The following LRCH3 variants were observed in gnomAD, a reference collection of about 807,000 sequenced individuals.
LRCH3 encodes the protein leucine rich repeats and calponin homology domain containing 3.
In LRCH3, 68 loss-of-function variants were observed where a neutral mutation model predicts 104.5. The observed-to-expected ratio is 0.65, with a 90% CI of 0.54 to 0.80. The LOEUF (loss-of-function observed/expected upper bound fraction) is 0.80. Among genes scored for constraint, LRCH3 ranks in the 30% least tolerant of loss-of-function variants. The pLI is 0.00. For missense variants in LRCH3, 951 were observed against 953.9 expected (o/e 1.00, Z 0.04); for synonymous variants, 344 against 361.3 (o/e 0.95, Z 0.54).
intron 20 of LRCH3, chr3:197,880,776 T>G: frequency 6.5e-7 from 1 of 1,531,832 alleles, no homozygotes; most frequent in Non-Finnish European, 8.7e-7. Flanking sequence ...GGTTTGTTTC[T>G]CATCCAGAAT....
intron 17 of LRCH3, among the ~76,000 whole-genome samples, chr3:197,868,273 A>C (rs1430732476): frequency 6.6e-6 from 1 of 152,240 alleles, no homozygotes; most frequent in South Asian, 2.1e-4. Context: ...TAATTTTGAA[A>C]TACAGTATAG....
At chr3:197,839,205 A>G (rs901436290) in intron 9 of LRCH3, 116 bp from the exon 10 acceptor site, 1 of 666,838 alleles carries the variant, frequency 1.5e-6, no homozygotes, top group South Asian at 2.1e-5. Flanking sequence ...TGAAGAGTCT[A>G]TTAAAATGTT....
chr3:197,873,804 C>T (rs1039189138), intron 19 of LRCH3, among the ~76,000 whole-genome samples: 3 of 151,940 alleles, frequency 2.0e-5, no homozygotes, highest in African/African-American at 4.8e-5. Flanking sequence ...GGGCAGATCA[C>T]GAGGTCAGGA....
chr3:197,799,074 A>C (rs962789895), intron 1 of LRCH3, among the ~76,000 whole-genome samples: 5 of 152,222 alleles, frequency 3.3e-5, no homozygotes, highest in Non-Finnish European at 7.3e-5. Context: ...AGGGGAGGTG[A>C]GAAGATGAAC....
chr3:197,871,898 C>T (rs138474181), intron 19 of LRCH3, among the ~76,000 whole-genome samples: 2 of 152,108 alleles, frequency 1.3e-5, no homozygotes, highest in African/African-American at 4.8e-5. Flanking sequence ...CAGAATGGAT[C>T]GTGCACAGGG....
chr3:197,813,536 T>TGAGA (rs1733457940), intron 1 of LRCH3, among the ~76,000 whole-genome samples: 1 of 129,870 alleles, frequency 7.7e-6, no homozygotes, highest in East Asian at 2.2e-4. Context: ...TTTTTTTTTT[T>TGAGA]TTTTTTTTTT....
chr3:197,805,830 C>A (rs1319554949), intron 1 of LRCH3, among the ~76,000 whole-genome samples: 3 of 152,072 alleles, frequency 2.0e-5, no homozygotes, highest in Admixed American at 2.0e-4. Flanking sequence ...ACTTACAGAA[C>A]CCAAATGAAA....
chr3:197,881,444 G>A, intron 20 of LRCH3: 1 of 985,472 alleles, frequency 1.0e-6, no homozygotes, highest in Non-Finnish European at 1.2e-6. Context: ...GGCCTCTCAG[G>A]GTGGGCACCT....
At position 197,869,521 on chromosome 3, in the gene LRCH3, C is replaced by G. The variant is rs149866537; in HGVS notation, c.1874-639C>G. On this transcript the variant is annotated intron_variant, in intron 17 of 20. Transcript: ENST00000425562. ...ACTGTACCTGCAGGAGGTAGAAAGC[C>G]GTGCACTGTACCTGCAGGAGGTAGA... 5.9e-3 allele frequency among the ~76,000 whole-genome samples: 536 copies of G among 90,756 alleles called. 6 individuals carry two copies. Among genetic ancestry groups the G allele is most frequent in the African/African-American group, 0.021 (452 of 21,538 alleles). 59.5% of individuals were successfully genotyped at this position (90,756 alleles called of 152,430 possible). A position where few individuals can be genotyped will look rare whatever the true frequency, so the allele number is the denominator to read the frequency against.
At chr3:197,875,843 A>G in intron 20 of LRCH3, 68 bp downstream of exon 20, 1 of 1,006,446 alleles carries the variant, frequency 9.9e-7, no homozygotes, top group Non-Finnish European at 1.5e-6. Flanking sequence ...AGAAATGTAA[A>G]TCTCTAAAAT....
At chr3:197,873,818 C>T (rs900280627) in intron 19 of LRCH3, among the ~76,000 whole-genome samples, 2 of 151,942 alleles carry the variant, frequency 1.3e-5, no homozygotes, top group South Asian at 2.1e-4. Context: ...GTCAGGAGTT[C>T]GAGACCATCC....
rs567727177 is a variant in LRCH3, at chr3:197,799,738, C to T, written c.262+8198C>T. ...AAAAAATTAGCTGGCTGTGGTGGCA[C>T]GCGCCTGTAATCCCAGCTTCAGCTA... On this transcript the variant is annotated intron_variant, in intron 1 of 20. Transcript: ENST00000425562. 5.3e-5 allele frequency among the ~76,000 whole-genome samples: 8 copies of T among 152,060 alleles called. No individual in the cohort carries two copies. In the South Asian group the frequency reaches 6.2e-4, roughly 12 times the overall value.
At chr3:197,835,635 G>C (rs780961175) in intron 8 of LRCH3, 39 bp from the exon 9 acceptor site, 2 of 1,039,870 alleles carry the variant, frequency 1.9e-6, no homozygotes, top group South Asian at 2.4e-5. Context: ...TTTTTTTCTG[G>C]TGTGTGTGTG....
Position 197,829,608 on chromosome 3 carries a change from A to G in LRCH3, c.822A>G (p.Ile274Met). 3.1e-6 allele frequency: 5 copies of G among 1,613,192 alleles called. No individual in the cohort carries two copies. Among genetic ancestry groups the G allele is most frequent in the Non-Finnish European group, 4.2e-6 (5 of 1,179,836 alleles). ...TCCACATATTTAAATACCTGAACAT[A>G]CAAGCTTGTAAGATTGCTCCAGATC... ...GKVHIFKYLN[I>M]QACKIAPDLP... Residue 274 changes from isoleucine to methionine, a missense_variant, in exon 6 of 21, where the codon ATA (isoleucine) becomes ATG (methionine). Coordinates refer to ENST00000425562, the MANE Select transcript of LRCH3 (RefSeq NM_001365715.1).
At chr3:197,821,421 A>C (rs1269589527) in intron 4 of LRCH3, among the ~76,000 whole-genome samples, 2 of 152,230 alleles carry the variant, frequency 1.3e-5, no homozygotes, top group Admixed American at 6.5e-5. Context: ...CTATTATTTT[A>C]TGAGATCCAG....
At chr3:197,831,359 A>G (rs1735911152) in intron 7 of LRCH3, 1 of 152,318 alleles carries the variant, frequency 6.6e-6, no homozygotes, top group African/African-American at 2.4e-5. Context: ...AGAGGTCTAC[A>G]GAAGAAAAAA....
intron 6 of LRCH3, among the ~76,000 whole-genome samples, chr3:197,829,992 C>A (rs1735716238): frequency 6.6e-6 from 1 of 152,190 alleles, no homozygotes. Flanking sequence ...CTCGCAAAGT[C>A]TCCAAATGTC....
At chr3:197,875,810 AG>A (rs1188659975) in intron 20 of LRCH3, 35 bp downstream of exon 20, 3 of 1,359,202 alleles carry the variant, frequency 2.2e-6, no homozygotes, top group Admixed American at 2.0e-5. Context: ...TTGCCTAAAT[AG>A]ACTTGGTTGT....
intron 10 of LRCH3, among the ~76,000 whole-genome samples, chr3:197,841,358 C>T (rs1737770553): frequency 6.6e-6 from 1 of 152,190 alleles, no homozygotes; most frequent in African/African-American, 2.4e-5. Flanking sequence ...TCATGGCTCC[C>T]TCCATCTTCA....
Sources: allele counts gnomAD v4.1 joint callset (sites outside exome capture counted in the v4.1 genomes callset), GRCh38; gene constraint gnomAD v4.1.1; transcripts MANE v1.5; gene names NCBI Gene and HGNC (gene_info 2026-07-23, HGNC 2026-07-21).